IQGAP1: variants seen among roughly 807,000 people sequenced by gnomAD.
IQGAP1 encodes the protein ras GTPase-activating-like protein IQGAP1.
IQGAP1 carries 66 observed loss-of-function variants against 215.6 expected under a neutral mutation model. The ratio of observed to expected loss-of-function variants is 0.31; its 90% CI spans 0.25 to 0.38. The LOEUF (loss-of-function observed/expected upper bound fraction) is 0.38. IQGAP1 is among the 10% of genes least tolerant of loss of function. IQGAP1 has a pLI of 1.00. For missense variants in IQGAP1, 1,712 were observed against 1,997.1 expected (o/e 0.86, Z 2.72); for synonymous variants, 772 against 728.7 (o/e 1.06, Z -0.96).
At chr15:90,481,104 C>A (rs1024932309) in intron 26 of IQGAP1, among the ~76,000 whole-genome samples, 2 of 152,056 alleles carry the variant, frequency 1.3e-5, no homozygotes, top group Non-Finnish European at 2.9e-5. Flanking sequence ...GCTGGAAGAG[C>A]CACGCTCCCT....
intron 5 of IQGAP1, among the ~76,000 whole-genome samples, chr15:90,436,097 G>T (rs1965367439): frequency 6.7e-6 from 1 of 148,802 alleles, no homozygotes. Context: ...GTCTTGATTG[G>T]CATTATTCCA....
intron 18 of IQGAP1, among the ~76,000 whole-genome samples, chr15:90,470,410 T>C (rs1965889392): frequency 6.6e-6 from 1 of 152,206 alleles, no homozygotes; most frequent in African/African-American, 2.4e-5. Context: ...GGGATCTTGT[T>C]AAAATGAAGG....
chr15:90,392,770 A>G (rs904274389), intron 2 of IQGAP1, among the ~76,000 whole-genome samples: 1 of 46,736 alleles, frequency 2.1e-5, no homozygotes, highest in African/African-American at 2.2e-4. Context: ...TTTTTTGTAC[A>G]GTCTCGCTCT....
chr15:90,448,843 C>G, intron 10 of IQGAP1, 107 bp downstream of exon 10: 1 of 987,126 alleles, frequency 1.0e-6, no homozygotes. Context: ...CCCAATACGA[C>G]TTTTTCCTCT....
chr15:90,440,449 G>T (rs1965432817), intron 6 of IQGAP1, 53 bp from the exon 7 acceptor site: 2 of 1,227,200 alleles, frequency 1.6e-6, no homozygotes, highest in African/African-American at 1.5e-5. Flanking sequence ...TCCTTCTCTT[G>T]GTTATGGAAG....
intron 10 of IQGAP1, among the ~76,000 whole-genome samples, chr15:90,449,127 A>G (rs1394223413): frequency 4.7e-5 from 7 of 150,490 alleles, no homozygotes; most frequent in Non-Finnish European, 1.0e-4. Context: ...AAAAGTACTT[A>G]CTGTGCAGTC....
In IQGAP1 at chr15:90,390,885, C is replaced by G; in HGVS notation, c.155+12C>G. On this transcript the variant is annotated intron_variant, in intron 2 of 37. Coordinates refer to ENST00000268182, the MANE Select transcript of IQGAP1 (RefSeq NM_003870.4). The stretch of plus-strand genomic sequence containing the variant: ...GAAGAAGCGAAGAGGTAAAGATTGG[C>G]TGGCTGGAGAGAAGATTAAGAGAAG... The G allele has an allele frequency of 4.0e-6, 6 of 1,502,216 alleles. No individual in the cohort carries two copies. The South Asian group carries it at 5.6e-5, about 14-fold the overall frequency. The allele number at this position is 1,502,216 out of a possible 1,614,324, so 93.1% of individuals were successfully genotyped here. A position where few individuals can be genotyped will look rare whatever the true frequency, so the allele number is the denominator to read the frequency against.
At chr15:90,397,395 C>A (rs73474979) in intron 2 of IQGAP1, among the ~76,000 whole-genome samples, 3 of 151,792 alleles carry the variant, frequency 2.0e-5, no homozygotes, top group Admixed American at 6.6e-5. Context: ...AGTTGCTTAA[C>A]GTCAGGGAGT....
At chr15:90,482,379 C>A in intron 28 of IQGAP1, 98 bp downstream of exon 28, 1 of 1,074,058 alleles carries the variant, frequency 9.3e-7, no homozygotes, top group Non-Finnish European at 1.4e-6. Flanking sequence ...AGTGTAGGTT[C>A]TGGCAGTAGC....
At chr15:90,461,940 C>A (rs900182064) in intron 15 of IQGAP1, among the ~76,000 whole-genome samples, 2 of 150,296 alleles carry the variant, frequency 1.3e-5, no homozygotes, top group Non-Finnish European at 3.0e-5. Flanking sequence ...GAGATCAAGA[C>A]CATCTTGGCT....
chr15:90,414,070 TA>T (rs1965008342), intron 2 of IQGAP1, among the ~76,000 whole-genome samples: 1 of 152,078 alleles, frequency 6.6e-6, no homozygotes, highest in Non-Finnish European at 1.5e-5. Flanking sequence ...TTAAAAAAAA[TA>T]AAAAGACACT....
At chr15:90,497,429 G>A in intron 37 of IQGAP1, 89 bp downstream of exon 37, 1 of 704,874 alleles carries the variant, frequency 1.4e-6, no homozygotes. Flanking sequence ...CTCATCTGAG[G>A]AAAGCTGTCT....
intron 16 of IQGAP1, 74 bp from the exon 17 acceptor site, chr15:90,466,195 T>C (rs915039153): frequency 2.0e-4 from 322 of 1,576,120 alleles, no homozygotes; most frequent in Middle Eastern, 1.7e-4. Flanking sequence ...TGCCAGTAGA[T>C]ATAGTTAGGT....
chr15:90,409,172 T>A (rs1438784208), intron 2 of IQGAP1, among the ~76,000 whole-genome samples: 1 of 152,022 alleles, frequency 6.6e-6, no homozygotes, highest in African/African-American at 2.4e-5. Context: ...TACACTTCCT[T>A]ACTCCTAGAT....
In IQGAP1 at chr15:90,501,999, A is replaced by G. The variant is rs1966347775; in HGVS notation, c.*1891A>G. 1 of 152,652 alleles carries G rather than the reference A, an allele frequency of 6.6e-6. No homozygotes were observed. Among genetic ancestry groups the G allele is most frequent in the Admixed American group, 6.5e-5 (1 of 15,284 alleles). The allele number at this position is 152,652 out of a possible 1,614,324, so 9.5% of individuals were successfully genotyped here. A position where few individuals can be genotyped will look rare whatever the true frequency, so the allele number is the denominator to read the frequency against. Reference sequence around the variant, plus strand: ...GATGATGATATAGAATTGTGGCTTTAGTAGCACAGAGGATGCCCCAACAAA... The same window carrying G: ...GATGATGATATAGAATTGTGGCTTTGGTAGCACAGAGGATGCCCCAACAAA... On this transcript the variant is annotated 3_prime_UTR_variant, in exon 38 of 38. Transcript: ENST00000268182.
In IQGAP1 at chr15:90,390,854, C is replaced by T; in HGVS notation, c.136C>T (p.His46Tyr). ...RQNVAYEYLC[H>Y]LEEAKRWMEA... ...GAACGTGGCTTATGAGTACCTTTGT[C>T]ATTTGGAAGAAGCGAAGAGGTAAAG... Residue 46 changes from histidine to tyrosine, a missense_variant, in exon 2 of 38, where the codon CAT becomes TAT. Physicochemically the swap from His to Tyr is moderately conservative, Grantham distance 83 (BLOSUM62 2). Around this residue, in one of 2 missense-constraint regions of IQGAP1, gnomAD observed 1,021 missense variants for 1,074.2 expected, o/e 0.95. Coordinates refer to ENST00000268182, the MANE Select transcript of IQGAP1 (RefSeq NM_003870.4). The T allele has an allele frequency of 6.2e-7, 1 of 1,607,994 alleles. No individual in the cohort carries two copies. The highest frequency in any genetic ancestry group is 1.7e-5 in the Admixed American group (1 of 60,008).
In IQGAP1 at chr15:90,500,578, A is replaced by G. The variant is rs947716670; in HGVS notation, c.*470A>G. ...TAACAGTTATTAGGTTGTCATTTAA[A>G]AATAAAGTTCCTTTATATTTCTGTC... is the stretch of plus-strand genomic sequence containing the variant. On this transcript the variant is annotated 3_prime_UTR_variant, in exon 38 of 38. Transcript: ENST00000268182. 3.9e-5 allele frequency: 6 copies of G among 152,524 alleles called. No individual in the cohort carries two copies. The highest frequency in any genetic ancestry group is 1.3e-4 in the Admixed American group (2 of 15,310). The allele number at this position is 152,524 out of a possible 1,614,324, so 9.4% of individuals were successfully genotyped here.
intron 2 of IQGAP1, among the ~76,000 whole-genome samples, chr15:90,400,896 G>T (rs538566165): frequency 1.3e-5 from 2 of 152,300 alleles, no homozygotes; most frequent in African/African-American, 4.8e-5. Flanking sequence ...GTTGGTAGTG[G>T]AACCTGTTTT....
At chr15:90,496,363 C>G (rs929342757) in intron 36 of IQGAP1, among the ~76,000 whole-genome samples, 8 of 131,582 alleles carry the variant, frequency 6.1e-5, no homozygotes, top group Non-Finnish European at 9.2e-5. Flanking sequence ...TATCACCAGA[C>G]TGGACTGCAG....
Sources: gnomAD v4.1 joint callset for allele counts (sites outside exome capture counted in the v4.1 genomes callset) on GRCh38, gnomAD v4.1.1 for gene constraint, gnomAD v4.1.1 regional missense constraint, MANE v1.5 for transcripts, NCBI Gene and HGNC (gene_info 2026-07-23, HGNC 2026-07-21) for gene names.